Variants in RAD9A observed in about 807,000 individuals in gnomAD.
The protein encoded by RAD9A is cell cycle checkpoint control protein RAD9A.
In RAD9A, 25 loss-of-function variants were observed where a neutral mutation model predicts 41.2. The observed-to-expected ratio is 0.61, with a 90% CI of 0.44 to 0.85. RAD9A has a LOEUF of 0.85. RAD9A is among the 40% of genes least tolerant of loss of function. The pLI is 0.00. For missense variants in RAD9A, 514 were observed against 518.3 expected, an observed-to-expected ratio of 0.99 and a Z score of 0.08; for synonymous variants, 252 against 210.6, an observed-to-expected ratio of 1.20 and a Z score of -1.70.
chr11:67,397,828 A>T lies in RAD9A; in HGVS notation c.*269A>T, dbSNP rs756968340. The T allele has an allele frequency of 6.4e-5, 29 of 451,134 alleles. No individual in the cohort carries two copies. Among genetic ancestry groups the T allele is most frequent in the Non-Finnish European group, 9.9e-5 (25 of 251,690 alleles). The allele number at this position is 451,134 out of a possible 1,614,324, so 27.9% of individuals were successfully genotyped here. ...CTGACGTTCCTACCTCTTATTTCTC[A>T]TTGAGCCTCAGGCTATACTCCAGCT... is the stretch of plus-strand genomic sequence containing the variant. On this transcript the variant is annotated 3_prime_UTR_variant, in exon 11 of 11. Coordinates refer to ENST00000307980, the MANE Select transcript of RAD9A (RefSeq NM_004584.3).
At chr11:67,397,144 CA>C (rs1565118601) in intron 9 of RAD9A, 34 bp from the exon 10 acceptor site, 15 of 1,541,824 alleles carry the variant, frequency 9.7e-6, no homozygotes, top group Admixed American at 1.7e-5. Context: ...TCTGCTCCCC[CA>C]GTCCCCTCCC....
In RAD9A at chr11:67,397,601, C is replaced by G. The variant is rs368753611; in HGVS notation, c.*42C>G. ...CTGTACCCAGAGGCCTTGGACTAGA[C>G]GAAGCCCCAGCCAGTGGCAGAACTG... On this transcript the variant is annotated 3_prime_UTR_variant, in exon 11 of 11. Coordinates refer to ENST00000307980, the MANE Select transcript of RAD9A (RefSeq NM_004584.3). 2.0e-6 allele frequency: 3 copies of G among 1,508,526 alleles called. No homozygotes were observed. The highest frequency in any genetic ancestry group is 2.3e-5 in the East Asian group (1 of 44,118). 93.4% of individuals were successfully genotyped at this position (1,508,526 alleles called of 1,614,324 possible). A position where few individuals can be genotyped will look rare whatever the true frequency, so the allele number is the denominator to read the frequency against.
chr11:67,396,219 G>A (rs1590931312), intron 8 of RAD9A, 44 bp downstream of exon 8: 4 of 1,614,092 alleles, frequency 2.5e-6, no homozygotes, highest in East Asian at 2.2e-5. Flanking sequence ...GGGATGGCAG[G>A]AGCTGAATGG....
Position 67,398,283 on chromosome 11 carries a change from C to T in RAD9A, c.*724C>T, listed in dbSNP as rs1366401335. On this transcript the variant is annotated 3_prime_UTR_variant, in exon 11 of 11. Coordinates refer to ENST00000307980, the MANE Select transcript of RAD9A (RefSeq NM_004584.3). The stretch of plus-strand genomic sequence containing the variant: ...GCACGGCTGGAGACCCACGACCTGG[C>T]CTGCCGTTGCCCTGAGCTGCAGCCT... 4.0e-5 allele frequency: 21 copies of T among 526,664 alleles called. No homozygotes were observed. Among genetic ancestry groups the T allele is most frequent in the Non-Finnish European group, 6.7e-5 (20 of 298,110 alleles). The allele number at this position is 526,664 out of a possible 1,614,324, so 32.6% of individuals were successfully genotyped here. A position where few individuals can be genotyped will look rare whatever the true frequency, so the allele number is the denominator to read the frequency against.
At position 67,395,896 on chromosome 11, in the gene RAD9A, T is replaced by C. The variant is rs1862678263; in HGVS notation, c.560-16T>C. On this transcript the variant is annotated splice_polypyrimidine_tract_variant and intron_variant, in intron 6 of 10. Coordinates refer to ENST00000307980, the MANE Select transcript of RAD9A (RefSeq NM_004584.3). Reference sequence around the variant, plus strand: ...AGAGGGGCGGGGCCCAGGTTACTCCTGTTCTTCCCCAACAGACAGCACTGC... The same window carrying C: ...AGAGGGGCGGGGCCCAGGTTACTCCCGTTCTTCCCCAACAGACAGCACTGC... 3 of 1,613,778 alleles carry C rather than the reference T, an allele frequency of 1.9e-6. No homozygotes were observed. Among genetic ancestry groups the C allele is most frequent in the South Asian group, 1.1e-5 (1 of 91,080 alleles).
Position 67,398,270 on chromosome 11 carries a change from A to AC in RAD9A, c.*714dup. 1 of 501,850 alleles carries AC rather than the reference A, an allele frequency of 2.0e-6. No homozygotes were observed. The highest frequency in any genetic ancestry group is 5.4e-4 in the Middle Eastern group (1 of 1,846). 31.1% of individuals were successfully genotyped at this position (501,850 alleles called of 1,614,324 possible). On this transcript the variant is annotated 3_prime_UTR_variant, in exon 11 of 11. Coordinates refer to ENST00000307980, the MANE Select transcript of RAD9A (RefSeq NM_004584.3). ...GCCCTGAGGCCAAGCACGGCTGGAG[A>AC]CCCACGACCTGGCCTGCCGTTGCCC... is the stretch of plus-strand genomic sequence containing the variant.
rs1862562393 is a variant in RAD9A, at chr11:67,392,726, C to T, written c.178C>T (p.Gln60Ter). Residue 60 changes from glutamine (Q) to a stop codon, truncating the protein, a stop_gained, in exon 3 of 11, where the codon CAA becomes TAA. Transcript: ENST00000307980. LOFTEE classifies it high-confidence loss of function. Reference protein sequence around the residue: ...CFLFAPLFFQQYQAATPGQDL... With the variant: ...CFLFAPLFFQ ...TCTCTTTGCCCCGCTCTTCTTCCAG[C>T]AATACCAGGCAGCCACCCCTGGTCA... 6.2e-7 allele frequency: 1 copy of T among 1,614,032 alleles called. No homozygotes were observed. Among genetic ancestry groups the T allele is most frequent in the Non-Finnish European group, 8.5e-7 (1 of 1,179,948 alleles).
chr11:67,392,280 G>T (rs1421043148), intron 2 of RAD9A, 49 bp downstream of exon 2: 20 of 1,460,912 alleles, frequency 1.4e-5, no homozygotes, highest in Admixed American at 2.0e-5. Context: ...CCGGGAGCGG[G>T]TAACCCGGAC....
intron 5 of RAD9A, among the ~76,000 whole-genome samples, chr11:67,394,458 C>T (rs1169690663): frequency 6.6e-6 from 1 of 152,170 alleles, no homozygotes; most frequent in African/African-American, 2.4e-5. Flanking sequence ...CTGGTCACTG[C>T]TTGCATTCAA....
intron 2 of RAD9A, 28 bp downstream of exon 2, chr11:67,392,259 T>TTGGGGTGGGGGGGGGGGGG: frequency 1.7e-5 from 8 of 484,264 alleles, no homozygotes; most frequent in East Asian, 5.2e-5. Context: ...GGGGGGCGGG[T>TTGGGGTGGGGGGGGGGGGG]GGGACTCCAG....
At chr11:67,393,375 T>A (rs1456266433) in intron 3 of RAD9A, 121 bp from the exon 4 acceptor site, 13 of 1,457,506 alleles carry the variant, frequency 8.9e-6, no homozygotes, top group Non-Finnish European at 1.2e-5. Context: ...GTGCCCGAGG[T>A]GACGTGGGAG....
At chr11:67,393,985 G>A (rs1329402967) in intron 5 of RAD9A, among the ~76,000 whole-genome samples, 195 bp downstream of exon 5, 2 of 152,174 alleles carry the variant, frequency 1.3e-5, no homozygotes, top group East Asian at 3.8e-4. Flanking sequence ...ATGGAGGAGG[G>A]GCAGGCGCCT....
In RAD9A at chr11:67,398,072, C is replaced by A; in HGVS notation, c.*513C>A. On this transcript the variant is annotated 3_prime_UTR_variant, in exon 11 of 11. Coordinates refer to ENST00000307980, the MANE Select transcript of RAD9A (RefSeq NM_004584.3). The stretch of plus-strand genomic sequence containing the variant: ...CTTGGAATTCTAAGAGCCTTGGACC[C>A]GAGTGTGTGGCTAGGGTTGCCCTGG... The A allele has an allele frequency of 4.9e-6, 1 of 204,342 alleles. No individual in the cohort carries two copies. Among genetic ancestry groups the A allele is most frequent in the South Asian group, 8.3e-5 (1 of 12,010 alleles). 12.7% of individuals were successfully genotyped at this position (204,342 alleles called of 1,614,324 possible).
intron 7 of RAD9A, 42 bp from the exon 8 acceptor site, chr11:67,396,069 C>A: frequency 6.2e-7 from 1 of 1,613,386 alleles, no homozygotes; most frequent in Non-Finnish European, 8.5e-7. Flanking sequence ...CTGCCCAGCT[C>A]AGCCCAGCCC....
intron 5 of RAD9A, 34 bp downstream of exon 5, chr11:67,393,824 G>C: frequency 2.0e-6 from 3 of 1,515,096 alleles, no homozygotes; most frequent in Non-Finnish European, 2.7e-6. Flanking sequence ...TCAGCCCCGG[G>C]TCTCTCTCTT....
chr11:67,392,273 G>A (rs866320907), intron 2 of RAD9A, 42 bp downstream of exon 2: 2 of 1,473,754 alleles, frequency 1.4e-6, no homozygotes, highest in Non-Finnish European at 1.8e-6. Flanking sequence ...ACTCCAGCCG[G>A]GAGCGGGTAA....
intron 2 of RAD9A, 66 bp from the exon 3 acceptor site, chr11:67,392,588 C>T: frequency 6.3e-7 from 1 of 1,591,302 alleles, no homozygotes. Flanking sequence ...TGAGCAGAAG[C>T]AGCCAGAGGG....
intron 3 of RAD9A, 36 bp from the exon 4 acceptor site, chr11:67,393,460 A>T (rs770286034): frequency 7.5e-6 from 12 of 1,609,186 alleles, no homozygotes; most frequent in Non-Finnish European, 1.0e-5. Context: ...TGTTGCAGAG[A>T]TGTGATGCTA....
At position 67,397,329 on chromosome 11, in the gene RAD9A, C is replaced by CGAGGAGG; in HGVS notation, c.1024_1030dup (p.Glu344GlyfsTer5). Reference sequence around the variant, plus strand: ...CCCCCAAGAGCCCCGGTCCCCACTCCGAGGAGGAAGATGAGGCTGAGCCCA... The same window carrying CGAGGAGG: ...CCCCCAAGAGCCCCGGTCCCCACTCCGAGGAGGGAGGAGGAAGATGAGGCTGAGCCCA... On this transcript the variant is annotated frameshift_variant, in exon 10 of 11. Transcript: ENST00000307980. LOFTEE classifies it high-confidence loss of function. 1 of 1,597,556 alleles carries CGAGGAGG rather than the reference C, an allele frequency of 6.3e-7. No homozygotes were observed. The highest frequency in any genetic ancestry group is 8.5e-7 in the Non-Finnish European group (1 of 1,171,630).
Sources: gnomAD v4.1 joint callset for allele counts (sites outside exome capture counted in the v4.1 genomes callset) on GRCh38, gnomAD v4.1.1 for gene constraint, MANE v1.5 for transcripts, NCBI Gene and HGNC (gene_info 2026-07-23, HGNC 2026-07-21) for gene names.